Variants in DYNC1I1 observed in about 807,000 individuals in gnomAD.
DYNC1I1 encodes the protein dynein cytoplasmic 1 intermediate chain 1, also known as cytoplasmic dynein 1 intermediate chain 1.
A neutral mutation model predicts 86.6 loss-of-function variants in DYNC1I1; 43 were observed. That is an observed-to-expected ratio of 0.50 (90% CI 0.39 to 0.64). The LOEUF (loss-of-function observed/expected upper bound fraction) is 0.64. Ranked by LOEUF, DYNC1I1 falls within the 30% of genes least tolerant of loss-of-function variation. The pLI, the probability that DYNC1I1 is intolerant of heterozygous loss-of-function variation, is 0.00. For missense variants in DYNC1I1, 604 were observed against 788.8 expected (o/e 0.77, Z 2.81); for synonymous variants, 262 against 283.7 (o/e 0.92, Z 0.77).
intron 13 of DYNC1I1, among the ~76,000 whole-genome samples, chr7:96,037,120 A>G (rs767089582): frequency 3.3e-5 from 5 of 152,184 alleles, no homozygotes; most frequent in Non-Finnish European, 7.3e-5. Context: ...TTCAAACTAT[A>G]CAAGCTGTTA....
At chr7:96,057,442 T>A (rs1256845822) in intron 14 of DYNC1I1, among the ~76,000 whole-genome samples, 2 of 152,214 alleles carry the variant, frequency 1.3e-5, no homozygotes, top group African/African-American at 4.8e-5. Flanking sequence ...CAGTTAGAAT[T>A]TGGTCTGTTA....
intron 10 of DYNC1I1, among the ~76,000 whole-genome samples, chr7:96,010,788 G>A (rs1322385513): frequency 6.6e-6 from 1 of 152,106 alleles, no homozygotes; most frequent in African/African-American, 2.4e-5. Flanking sequence ...TCAAAATCTA[G>A]CACAATGACT....
intron 14 of DYNC1I1, among the ~76,000 whole-genome samples, chr7:96,058,784 C>T (rs1044626293): frequency 2.7e-5 from 4 of 149,140 alleles, no homozygotes; most frequent in Non-Finnish European, 5.9e-5. Flanking sequence ...CAGGCATGTG[C>T]TACCATGCCT....
At chr7:95,883,840 T>C (rs1316491885) in intron 6 of DYNC1I1, among the ~76,000 whole-genome samples, 2 of 152,196 alleles carry the variant, frequency 1.3e-5, no homozygotes, top group Non-Finnish European at 2.9e-5. Context: ...TTAATGGTTC[T>C]CCCCTAAGGA....
intron 6 of DYNC1I1, among the ~76,000 whole-genome samples, chr7:95,955,019 C>G (rs1584196362): frequency 1.3e-5 from 2 of 151,758 alleles, no homozygotes; most frequent in East Asian, 3.9e-4. Context: ...AACATGTGCT[C>G]CCCGGAATGG....
chr7:95,983,969 G>A (rs1793519601), intron 7 of DYNC1I1, among the ~76,000 whole-genome samples: 1 of 152,134 alleles, frequency 6.6e-6, no homozygotes, highest in Non-Finnish European at 1.5e-5. Context: ...TGGTTTTTTG[G>A]TCTGGGGAGT....
In DYNC1I1 at chr7:96,097,753, C is replaced by T. The variant is rs1791060489; in HGVS notation, c.*160C>T. 8.9e-6 allele frequency: 12 copies of T among 1,350,472 alleles called. No homozygotes were observed. Among genetic ancestry groups the T allele is most frequent in the Non-Finnish European group, 1.1e-5 (12 of 1,045,738 alleles). 83.7% of individuals were successfully genotyped at this position (1,350,472 alleles called of 1,614,324 possible). ...TTTGCTCCAAGTATTCTAAATGTGT[C>T]CCATCATGCTTTCCACTGACCCAAA... is the stretch of plus-strand genomic sequence containing the variant. On this transcript the variant is annotated 3_prime_UTR_variant, in exon 17 of 17. Transcript: ENST00000447467.
intron 3 of DYNC1I1, 139 bp from the exon 4 acceptor site, chr7:95,813,108 C>CT: frequency 1.6e-6 from 1 of 614,658 alleles, no homozygotes; most frequent in Non-Finnish European, 2.2e-6. Context: ...TTTTTTTTTT[C>CT]TTTATCCCAT....
intron 5 of DYNC1I1, among the ~76,000 whole-genome samples, chr7:95,869,310 C>G (rs13238387): frequency 0.2 from 30,794 of 152,016 alleles, 3,964 homozygotes; most frequent in East Asian, 0.46. Flanking sequence ...CCCAGTGCCC[C>G]CTTTCACTCA....
chr7:95,863,826 A>G (rs767333756), intron 5 of DYNC1I1, among the ~76,000 whole-genome samples: 1 of 152,204 alleles, frequency 6.6e-6, no homozygotes, highest in East Asian at 1.9e-4. Flanking sequence ...TTTTCAGAAC[A>G]TGTGGAGAAA....
At chr7:95,962,863 C>G (rs1792908745) in intron 6 of DYNC1I1, among the ~76,000 whole-genome samples, 1 of 152,146 alleles carries the variant, frequency 6.6e-6, no homozygotes, top group South Asian at 2.1e-4. Flanking sequence ...CATGGCACTA[C>G]TAATTACCCA....
chr7:95,984,371 G>A (rs559761468), intron 7 of DYNC1I1, among the ~76,000 whole-genome samples: 1 of 152,100 alleles, frequency 6.6e-6, no homozygotes, highest in South Asian at 2.1e-4. Flanking sequence ...AAAAGGAAAG[G>A]TACTATGAGG....
chr7:95,969,316 C>T (rs891695562), intron 6 of DYNC1I1, among the ~76,000 whole-genome samples: 1 of 152,124 alleles, frequency 6.6e-6, no homozygotes, highest in African/African-American at 2.4e-5. Context: ...CTATTTTACA[C>T]ACAATTGAGT....
chr7:95,836,788 G>T (rs1269254457), intron 5 of DYNC1I1, among the ~76,000 whole-genome samples: 8 of 152,002 alleles, frequency 5.3e-5, no homozygotes, highest in African/African-American at 1.9e-4. Context: ...CATTCTTCAC[G>T]TAGTTCTTGA....
chr7:96,064,000 G>A (rs1789875678), intron 14 of DYNC1I1, among the ~76,000 whole-genome samples: 1 of 152,200 alleles, frequency 6.6e-6, no homozygotes, highest in Non-Finnish European at 1.5e-5. Context: ...ATGCAATGTG[G>A]TTAGCGGGAG....
exon 17 of DYNC1I1, chr7:96,110,003 T>C (rs766101304): frequency 2.5e-6 from 1 of 400,132 alleles, no homozygotes; most frequent in South Asian, 1.8e-5. Context: ...GCCAGGCTGG[T>C]CTCAAAATTC....
rs1400703647 is a variant in DYNC1I1 at position 96,076,801 on chromosome 7, G to T, written c.1650+604G>T. On this transcript the variant is annotated intron_variant, in intron 15 of 16. Transcript: ENST00000447467. ...CAAACTCAGTATTTTTTTAAAAATA[G>T]ATTTTAACATGTCACATTTACAGCA... 2.6e-5 allele frequency among the ~76,000 whole-genome samples: 4 copies of T among 152,156 alleles called. No homozygotes were observed. The East Asian group carries it at 7.7e-4, about 29-fold the overall frequency.
At chr7:95,964,323 T>A (rs1792950821) in intron 6 of DYNC1I1, among the ~76,000 whole-genome samples, 1 of 152,200 alleles carries the variant, frequency 6.6e-6, no homozygotes, top group South Asian at 2.1e-4. Flanking sequence ...GAACCAGATC[T>A]GTGTGGTTGT....
intron 10 of DYNC1I1, among the ~76,000 whole-genome samples, chr7:96,004,644 ATG>A (rs1794096532): frequency 1.6e-5 from 2 of 128,166 alleles, no homozygotes; most frequent in Non-Finnish European, 3.3e-5. Flanking sequence ...ACATAAATGC[ATG>A]CACACACACA....
Sources: allele counts gnomAD v4.1 joint callset (sites outside exome capture counted in the v4.1 genomes callset), GRCh38; gene constraint gnomAD v4.1.1; transcripts MANE v1.5; gene names NCBI Gene and HGNC (gene_info 2026-07-23, HGNC 2026-07-21).